ANO1: variants seen among roughly 807,000 people sequenced by gnomAD.
The protein encoded by ANO1 is anoctamin-1.
Under a neutral mutation model 124.0 loss-of-function variants are expected in ANO1, and 59 were observed. The ratio of observed to expected loss-of-function variants is 0.48; its 90% CI spans 0.39 to 0.59. The LOEUF is 0.59. Ranked by LOEUF, ANO1 falls within the 20% of genes least tolerant of loss-of-function variation. The pLI, the probability that ANO1 is intolerant of heterozygous loss-of-function variation, is 0.00. For missense variants in ANO1, 1,059 were observed against 1,328.0 expected, an observed-to-expected ratio of 0.80 and a Z score of 3.15; for synonymous variants, 529 against 532.0, an observed-to-expected ratio of 0.99 and a Z score of 0.08.
intron 2 of ANO1, 24 bp from the exon 3 acceptor site, chr11:70,103,042 C>T (rs937213226): frequency 1.3e-6 from 2 of 1,577,614 alleles, no homozygotes; most frequent in Non-Finnish European, 1.7e-6. Flanking sequence ...CCCCCTCAAC[C>T]CAGAACTTTC....
At chr11:70,174,258 T>C (rs2048593054) in intron 22 of ANO1, among the ~76,000 whole-genome samples, 1 of 151,196 alleles carries the variant, frequency 6.6e-6, no homozygotes, top group Non-Finnish European at 1.5e-5. Context: ...TAATTTTTAA[T>C]GTTGGCATGC....
At chr11:69,983,022 C>G (rs75649884), upstream of ANO1, among the ~76,000 whole-genome samples, 828 of 152,224 alleles carry the variant, frequency 5.4e-3, 4 homozygotes, top group Non-Finnish European at 9.0e-3. Context: ...GAGAAATGCA[C>G]AGAGGGAGGC....
intron 1 of ANO1, chr11:70,085,749 C>T: frequency 7.1e-7 from 1 of 1,407,396 alleles, no homozygotes. Flanking sequence ...ACAGCCTCCA[C>T]TCGAGGCCTT....
chr11:70,044,971 G>T (rs1857237123), intron 1 of ANO1, among the ~76,000 whole-genome samples: 1 of 152,124 alleles, frequency 6.6e-6, no homozygotes, highest in South Asian at 2.1e-4. Flanking sequence ...CAAACATAAA[G>T]AAATATTCAG....
chr11:70,173,204 C>G (rs77811975), intron 22 of ANO1, among the ~76,000 whole-genome samples: 1,550 of 152,284 alleles, frequency 0.01, 36 homozygotes, highest in African/African-American at 0.036. Flanking sequence ...AGCAGTGATT[C>G]ACCCGGCAGC....
intron 1 of ANO1, among the ~76,000 whole-genome samples, chr11:70,007,112 A>G (rs577398823): frequency 1.3e-5 from 2 of 152,226 alleles, no homozygotes; most frequent in African/African-American, 4.8e-5. Flanking sequence ...GCCCCTGGCA[A>G]CCATCATTTT....
chr11:70,018,892 G>C (rs1454504032), intron 1 of ANO1, among the ~76,000 whole-genome samples: 4 of 152,186 alleles, frequency 2.6e-5, no homozygotes, highest in African/African-American at 7.2e-5. Context: ...CAGTACCGGG[G>C]ACATGGCCAA....
chr11:70,096,594 C>T (rs2044976722), intron 2 of ANO1, among the ~76,000 whole-genome samples: 1 of 152,278 alleles, frequency 6.6e-6, no homozygotes, highest in South Asian at 2.1e-4. Flanking sequence ...GGAGCGGTGG[C>T]TCATGCCTGT....
the ANO1 span, among the ~76,000 whole-genome samples, chr11:69,977,083 C>T: frequency 6.6e-6 from 1 of 152,236 alleles, no homozygotes. Flanking sequence ...GGGAGCTCAT[C>T]TTGCAGAGCA....
chr11:70,026,685 G>T (rs563204247), intron 1 of ANO1, among the ~76,000 whole-genome samples: 39 of 152,270 alleles, frequency 2.6e-4, no homozygotes, highest in African/African-American at 8.9e-4. Flanking sequence ...TAGTCAGGAG[G>T]TTGCAATGAG....
intron 11 of ANO1, among the ~76,000 whole-genome samples, chr11:70,141,338 T>C (rs1191336360): frequency 6.6e-6 from 1 of 152,224 alleles, no homozygotes; most frequent in Non-Finnish European, 1.5e-5. Context: ...AGCCCCTTCG[T>C]AGCAGATGGC....
intron 2 of ANO1, among the ~76,000 whole-genome samples, chr11:70,098,449 C>T (rs776410319): frequency 2.6e-5 from 4 of 152,204 alleles, no homozygotes; most frequent in Admixed American, 6.5e-5. Flanking sequence ...CTGCCTGACA[C>T]GGGAGGTGCT....
At chr11:70,120,801 T>C (rs955734465) in intron 8 of ANO1, among the ~76,000 whole-genome samples, 4 of 151,752 alleles carry the variant, frequency 2.6e-5, no homozygotes, top group African/African-American at 9.7e-5. Context: ...CGCCTGAGGG[T>C]TGTTGGGATC....
chr11:70,081,513 T>C (rs1226460784), intron 1 of ANO1, among the ~76,000 whole-genome samples: 1 of 152,240 alleles, frequency 6.6e-6, no homozygotes, highest in African/African-American at 2.4e-5. Flanking sequence ...CCTTCTTAAC[T>C]ATAATTTGAA....
intron 6 of ANO1, among the ~76,000 whole-genome samples, chr11:70,109,961 G>T (rs59855037): frequency 0.014 from 2,086 of 152,126 alleles, 61 homozygotes; most frequent in African/African-American, 0.048. Flanking sequence ...AAATTCATCC[G>T]CAAGTGCTGA....
intron 1 of ANO1, among the ~76,000 whole-genome samples, chr11:70,034,600 A>G (rs1364567468): frequency 6.6e-6 from 1 of 152,204 alleles, no homozygotes; most frequent in Non-Finnish European, 1.5e-5. Context: ...TTGCTGTTGT[A>G]GCCGCAAGCT....
chr11:69,982,781 T>A (rs1387245092), upstream of ANO1, among the ~76,000 whole-genome samples: 1 of 152,144 alleles, frequency 6.6e-6, no homozygotes, highest in Admixed American at 6.5e-5. Context: ...TTTTGCTCCC[T>A]TTGCGCCTCC....
chr11:70,181,646 G>T (rs892584105), intron 23 of ANO1, among the ~76,000 whole-genome samples: 2 of 152,216 alleles, frequency 1.3e-5, no homozygotes, highest in Non-Finnish European at 2.9e-5. Flanking sequence ...ATAACAGCAG[G>T]CTGGGCCCGG....
At chr11:70,047,213 A>G (rs1008626603) in intron 1 of ANO1, among the ~76,000 whole-genome samples, 2 of 152,158 alleles carry the variant, frequency 1.3e-5, no homozygotes, top group East Asian at 1.9e-4. Flanking sequence ...ATAATATATC[A>G]GGATTGGTTC....
Sources: allele counts gnomAD v4.1 joint callset (sites outside exome capture counted in the v4.1 genomes callset), GRCh38; gene constraint gnomAD v4.1.1; transcripts MANE v1.5; gene names NCBI Gene and HGNC (gene_info 2026-07-23, HGNC 2026-07-21).